The following EIF4E3 variants were observed in gnomAD, a reference collection of about 807,000 sequenced individuals.
The protein encoded by EIF4E3 is eukaryotic translation initiation factor 4E type 3.
EIF4E3 carries 26 observed loss-of-function variants against 31.7 expected under a neutral mutation model. The ratio of observed to expected loss-of-function variants is 0.82; its 90% confidence interval spans 0.60 to 1.14. The LOEUF is 1.14. EIF4E3 is among the 50% of genes most tolerant of loss of function. EIF4E3 has a pLI of 0.00. For synonymous variants in EIF4E3, 128 were observed against 107.7 expected (o/e 1.19, Z -1.17); for missense variants, 304 against 270.9 (o/e 1.12, Z -0.86).
intron 5 of EIF4E3, among the ~76,000 whole-genome samples, chr3:71,690,704 C>A (rs556588365): frequency 1.3e-5 from 2 of 152,306 alleles, no homozygotes; most frequent in South Asian, 2.1e-4. Context: ...CTGCTTTCTG[C>A]GGTTTACTTG....
intron 1 of EIF4E3, among the ~76,000 whole-genome samples, chr3:71,738,978 G>GTATATATATATATATATATATAGATA (rs2049792371): frequency 1.0e-5 from 1 of 95,818 alleles, no homozygotes; most frequent in African/African-American, 5.1e-5. Context: ...AAATTGAACA[G>GTATATATATATATATATATATAGATA]TATATATATA....
downstream of EIF4E3, among the ~76,000 whole-genome samples, chr3:71,673,930 T>TAA (rs36017704): frequency 3.2e-4 from 41 of 126,754 alleles, no homozygotes; most frequent in Non-Finnish European, 4.4e-4. Flanking sequence ...TATATATATA[T>TAA]AAAAAACATA....
At chr3:71,685,590 T>C (rs2048980573) in intron 6 of EIF4E3, among the ~76,000 whole-genome samples, 1 of 152,156 alleles carries the variant, frequency 6.6e-6, no homozygotes, top group African/African-American at 2.4e-5. Context: ...CTGGAACTCC[T>C]GACCTCAAGT....
intron 1 of EIF4E3, among the ~76,000 whole-genome samples, chr3:71,714,285 G>C (rs866459380): frequency 0.083 from 10,516 of 127,244 alleles, 495 homozygotes; most frequent in East Asian, 0.21. Flanking sequence ...AAGGAAGGAA[G>C]GAAGGAAGGA....
chr3:71,738,197 G>A (rs977729724), intron 1 of EIF4E3, among the ~76,000 whole-genome samples: 1 of 152,208 alleles, frequency 6.6e-6, no homozygotes, highest in African/African-American at 2.4e-5. Flanking sequence ...CAGACAAGAA[G>A]AGTCTAGTTT....
At chr3:71,749,476 T>C (rs2049905493) in intron 1 of EIF4E3, among the ~76,000 whole-genome samples, 1 of 152,204 alleles carries the variant, frequency 6.6e-6, no homozygotes, top group Non-Finnish European at 1.5e-5. Context: ...CAAACCAACC[T>C]TCTCTAACTT....
At chr3:71,721,373 G>C (rs906978886) in intron 1 of EIF4E3, among the ~76,000 whole-genome samples, 2 of 152,192 alleles carry the variant, frequency 1.3e-5, no homozygotes, top group African/African-American at 4.8e-5. Context: ...TAATGCTATG[G>C]AGAAAATAAA....
chr3:71,731,946 T>C (rs2049711268), intron 1 of EIF4E3, among the ~76,000 whole-genome samples: 1 of 152,212 alleles, frequency 6.6e-6, no homozygotes, highest in African/African-American at 2.4e-5. Flanking sequence ...GGAATATATA[T>C]GTTAAATCTA....
At chr3:71,745,286 T>C (rs1460851642) in intron 1 of EIF4E3, among the ~76,000 whole-genome samples, 1 of 152,154 alleles carries the variant, frequency 6.6e-6, no homozygotes, top group Non-Finnish European at 1.5e-5. Flanking sequence ...GGTGTATGTA[T>C]ATAGAGGGTG....
At chr3:71,696,052 C>T (rs1318608814) in intron 4 of EIF4E3, among the ~76,000 whole-genome samples, 2 of 152,138 alleles carry the variant, frequency 1.3e-5, no homozygotes, top group African/African-American at 4.8e-5. Flanking sequence ...CATGGTCATT[C>T]TCAGAACTGC....
chr3:71,749,321 T>C (rs1284488921), intron 1 of EIF4E3, among the ~76,000 whole-genome samples: 2 of 152,228 alleles, frequency 1.3e-5, no homozygotes, highest in African/African-American at 2.4e-5. Flanking sequence ...ACCAGAGTGG[T>C]CCTCACCGCA....
At chr3:71,725,496 C>A (rs1441925369), upstream of EIF4E3, 7 of 367,052 alleles carry the variant, frequency 1.9e-5, no homozygotes, top group Admixed American at 6.8e-5. The surrounding 1 kb of genome is among the most constrained non-coding windows in gnomAD (Gnocchi z 6.1). Flanking sequence ...GCCCGCCGCC[C>A]GCCGCCCGCC....
At chr3:71,735,418 T>C (rs1359267239) in intron 1 of EIF4E3, among the ~76,000 whole-genome samples, 1 of 152,192 alleles carries the variant, frequency 6.6e-6, no homozygotes, top group Admixed American at 6.5e-5. Context: ...AATACCTCCA[T>C]CTATCATGGG....
At chr3:71,718,979 C>T (rs1367669073) in intron 1 of EIF4E3, among the ~76,000 whole-genome samples, 3 of 152,222 alleles carry the variant, frequency 2.0e-5, no homozygotes, top group Admixed American at 2.0e-4. Flanking sequence ...GTCTCCTCCC[C>T]AACCTAGTCC....
chr3:71,724,669 G>A (rs1578376042), intron 1 of EIF4E3, among the ~76,000 whole-genome samples: 1 of 152,222 alleles, frequency 6.6e-6, no homozygotes, highest in Non-Finnish European at 1.5e-5. Context: ...ACTGGAAGAG[G>A]AGTCCACGGC....
At chr3:71,740,572 A>G (rs1373893308) in intron 1 of EIF4E3, among the ~76,000 whole-genome samples, 2 of 152,174 alleles carry the variant, frequency 1.3e-5, no homozygotes, top group Admixed American at 6.5e-5. Flanking sequence ...CATTTCCACA[A>G]AAAATACAAA....
chr3:71,750,722 C>T (rs1359909440), intron 1 of EIF4E3, among the ~76,000 whole-genome samples: 1 of 151,620 alleles, frequency 6.6e-6, no homozygotes, highest in East Asian at 1.9e-4. Context: ...GAGTTCTAGA[C>T]CAGCCTGGGA....
the EIF4E3 span, among the ~76,000 whole-genome samples, chr3:71,666,872 GA>G: frequency 6.6e-6 from 1 of 152,110 alleles, no homozygotes; most frequent in African/African-American, 2.4e-5. Context: ...TCGGGAGGTG[GA>G]GGTTGCAGTG....
intron 1 of EIF4E3, among the ~76,000 whole-genome samples, chr3:71,714,047 C>T (rs973290963): frequency 1.3e-5 from 2 of 151,948 alleles, no homozygotes; most frequent in Admixed American, 6.6e-5. Context: ...CCAGGCTCTA[C>T]TAAAAATACA....
Sources: gnomAD v4.1 joint callset for allele counts (sites outside exome capture counted in the v4.1 genomes callset) on GRCh38, gnomAD v4.1.1 for gene constraint, Gnocchi (gnomAD v3.1) non-coding constraint, MANE v1.5 for transcripts, NCBI Gene and HGNC (gene_info 2026-07-23, HGNC 2026-07-21) for gene names.